Variants in STOX2 observed in about 807,000 individuals in gnomAD.
The protein encoded by STOX2 is storkhead box 2, also known as storkhead-box protein 2.
A neutral mutation model predicts 60.9 loss-of-function variants in STOX2; 28 were observed. That is an observed-to-expected ratio of 0.46 (90% CI 0.34 to 0.63). The LOEUF (loss-of-function observed/expected upper bound fraction) is 0.63. STOX2 is among the 30% of genes least tolerant of loss of function. STOX2 has a pLI of 0.01. For missense variants in STOX2, 1,024 were observed against 1,187.7 expected (o/e 0.86, Z 2.03); for synonymous variants, 472 against 463.9 (o/e 1.02, Z -0.22).
At chr4:183,902,033 G>T (rs114048511), upstream of STOX2, among the ~76,000 whole-genome samples, 2,614 of 152,190 alleles carry the variant, frequency 0.017, 83 homozygotes, top group Admixed American at 0.072. Context: ...TATATCTGAC[G>T]AGGAAGGCTT....
chr4:183,802,930 C>G (rs910434683), intron 1 of STOX2, among the ~76,000 whole-genome samples: 37 of 152,200 alleles, frequency 2.4e-4, no homozygotes, highest in Non-Finnish European at 5.0e-4. Flanking sequence ...CCGTATCAGT[C>G]CATTTTTATG....
chr4:183,830,395 GT>G (rs2111119780), intron 1 of STOX2, among the ~76,000 whole-genome samples: 1 of 152,308 alleles, frequency 6.6e-6, no homozygotes, highest in East Asian at 1.9e-4. Flanking sequence ...GTGTTATCTT[GT>G]TTTCTGAATT....
At position 183,875,896 on chromosome 4, in the gene STOX2, T is replaced by G. The variant is rs553768453; in HGVS notation, c.364+77841T>G. Among the ~76,000 whole-genome samples the G allele has an allele frequency of 2.0e-5, 3 of 152,154 alleles. No individual in the cohort carries two copies. The East Asian group carries it at 5.8e-4, about 29-fold the overall frequency. On this transcript the variant is annotated intron_variant, in intron 1 of 2. Coordinates refer to the STOX2 transcript ENST00000513034. ...CCACGCTGGGCTAATTTTTTAAAAATTTATTTGTAAAGATGGGGTCTTACT... is the reference window on the plus strand; with the variant it reads ...CCACGCTGGGCTAATTTTTTAAAAAGTTATTTGTAAAGATGGGGTCTTACT...
intron 1 of STOX2, among the ~76,000 whole-genome samples, chr4:183,920,908 T>A: frequency 6.6e-6 from 1 of 152,186 alleles, no homozygotes; most frequent in East Asian, 1.9e-4. Flanking sequence ...AGTGCAAAGG[T>A]ACCTGACAAC....
chr4:183,906,839 G>C lies in STOX2; in HGVS notation c.49G>C (p.Asp17His), dbSNP rs1017136594. ...CTTGCGGCGAGCCTGGCCTAGCTCG[G>C]ATTTCTCGGACCGGGCCTCGGACCG... The part of the protein sequence containing the change: ...TTLRRAWPSS[D>H]FSDRASDRMR... Residue 17 changes from aspartate to histidine, a missense_variant, in exon 1 of 4, where the codon GAT becomes CAT. This residue lies in a region of STOX2 where 98 missense variants were observed against 110.2 expected (regional missense o/e 0.89). Transcript: ENST00000308497. The C allele has an allele frequency of 1.9e-6, 3 of 1,555,966 alleles. No individual in the cohort carries two copies. The highest frequency in any genetic ancestry group is 2.6e-6 in the Non-Finnish European group (3 of 1,149,762).
chr4:183,960,267 A>G lies in STOX2; in HGVS notation c.167-41058A>G, dbSNP rs1743374492. On this transcript the variant is annotated intron_variant, in intron 1 of 3. Coordinates refer to ENST00000308497, the MANE Select transcript of STOX2 (RefSeq NM_020225.3). The stretch of plus-strand genomic sequence containing the variant: ...TGGGTAAGACCTAGAGTGAATGCTC[A>G]GCTTGTCTCAAGGCTGCAATGAGGT... 2.6e-5 allele frequency: 4 copies of G among 152,358 alleles called. No homozygotes were observed. In the Middle Eastern group the frequency reaches 0.01, roughly 389 times the overall value. The allele number at this position is 152,358 out of a possible 1,614,324, so 9.4% of individuals were successfully genotyped here. A position where few individuals can be genotyped will look rare whatever the true frequency, so the allele number is the denominator to read the frequency against.
intron 1 of STOX2, among the ~76,000 whole-genome samples, chr4:183,945,763 G>T (rs752128157): frequency 6.6e-6 from 1 of 152,174 alleles, no homozygotes. Flanking sequence ...GTTCTAAGAC[G>T]CTGGGAAATG....
intron 1 of STOX2, among the ~76,000 whole-genome samples, chr4:183,864,865 T>C (rs1347698916): frequency 1.3e-5 from 2 of 152,202 alleles, no homozygotes; most frequent in Admixed American, 6.5e-5. Flanking sequence ...GCAAAACTAA[T>C]TGTTTTATAA....
chr4:183,914,546 C>A (rs942456563), intron 1 of STOX2, among the ~76,000 whole-genome samples: 2 of 152,160 alleles, frequency 1.3e-5, no homozygotes, highest in African/African-American at 4.8e-5. Context: ...AGAATGAGTT[C>A]CATTTTGGGC....
chr4:183,922,490 C>T (rs764544082), intron 1 of STOX2, among the ~76,000 whole-genome samples: 11 of 151,870 alleles, frequency 7.2e-5, no homozygotes, highest in South Asian at 4.2e-4. Flanking sequence ...GGATTACAGG[C>T]GCCCCCCACC....
intron 1 of STOX2, among the ~76,000 whole-genome samples, chr4:183,853,031 A>G (rs896543672): frequency 6.6e-6 from 1 of 152,210 alleles, no homozygotes; most frequent in Non-Finnish European, 1.5e-5. Flanking sequence ...GAATAATCGC[A>G]CGCAGGAACT....
At chr4:183,943,832 G>A (rs1742814800) in intron 1 of STOX2, among the ~76,000 whole-genome samples, 1 of 152,152 alleles carries the variant, frequency 6.6e-6, no homozygotes, top group African/African-American at 2.4e-5. Context: ...GGCTGAGATC[G>A]TGCCACTGCC....
Position 184,010,091 on chromosome 4 carries a change from G to A in STOX2, c.1253G>A (p.Gly418Glu). 6.2e-7 allele frequency: 1 copy of A among 1,606,374 alleles called. No individual in the cohort carries two copies. The highest frequency in any genetic ancestry group is 2.2e-5 in the East Asian group (1 of 44,694). ...REGCFIIEHK[G>E]DNFIMHSNTN... Reference sequence around the variant, plus strand: ...GGCTGCTTCATCATTGAACACAAAGGAGATAACTTCATCATGCACAGCAAC... The same window carrying A: ...GGCTGCTTCATCATTGAACACAAAGAAGATAACTTCATCATGCACAGCAAC... Residue 418 changes from glycine to glutamate, a missense_variant, in exon 3 of 4, where the codon GGA becomes GAA. This residue lies in a region of STOX2 where 922 missense variants were observed against 1,058.3 expected (regional missense o/e 0.87). Transcript: ENST00000308497. This position sits in a 1 kb window ranked among gnomAD's most constrained non-coding sequence, Gnocchi z 4.5.
At chr4:184,005,853 CA>C (rs1390214903) in intron 2 of STOX2, among the ~76,000 whole-genome samples, 2 of 152,098 alleles carry the variant, frequency 1.3e-5, no homozygotes, top group East Asian at 1.9e-4. Context: ...ATGGCTTGGA[CA>C]GGGGGCAAAG....
At chr4:183,907,078 C>A (rs1741640594) in intron 1 of STOX2, 122 bp downstream of exon 1, 2 of 873,280 alleles carry the variant, frequency 2.3e-6, no homozygotes, top group Non-Finnish European at 3.4e-6. Flanking sequence ...ATGGGGAAAG[C>A]AGGAAAAAAT....
At chr4:183,976,025 A>C (rs1484198893) in intron 1 of STOX2, among the ~76,000 whole-genome samples, 1 of 152,220 alleles carries the variant, frequency 6.6e-6, no homozygotes, top group Non-Finnish European at 1.5e-5. Flanking sequence ...AAATCAGTCA[A>C]TGTAGGGCTG....
rs548829020 is a variant in STOX2 at position 184,010,268 on chromosome 4, G to C, written c.1430G>C (p.Arg477Pro). 2.0e-5 allele frequency: 31 copies of C among 1,577,750 alleles called. No homozygotes were observed. The East Asian group carries it at 5.6e-4, about 29-fold the overall frequency. Reference protein sequence around the residue: ...VHRSHSHTQDRRSRNERSNKA... With the variant: ...VHRSHSHTQDPRSRNERSNKA... The stretch of plus-strand genomic sequence containing the variant: ...CGAAGCCACAGCCATACACAGGACC[G>C]GAGGTCCAGGAATGAGAGATCCAAC... The change falls in exon 3 of 4, where the codon CGG becomes CCG. Residue 477 changes from arginine to proline, a missense_variant. Around this residue, in one of 3 missense-constraint regions of STOX2, gnomAD observed 922 missense variants for 1,058.3 expected, o/e 0.87. Transcript: ENST00000308497. This position sits in a 1 kb window ranked among gnomAD's most constrained non-coding sequence, Gnocchi z 4.5.
intron 1 of STOX2, among the ~76,000 whole-genome samples, chr4:183,946,271 G>A (rs550777023): frequency 4.6e-5 from 7 of 152,300 alleles, no homozygotes; most frequent in African/African-American, 1.2e-4. Context: ...CAAATTACAT[G>A]CCTTTTCTTA....
At position 184,004,366 on chromosome 4, in the gene STOX2, G is replaced by A. The variant is rs557659896; in HGVS notation, c.319+2889G>A. 5.3e-5 allele frequency among the ~76,000 whole-genome samples: 8 copies of A among 152,264 alleles called. No homozygotes were observed. In the South Asian group the frequency reaches 8.3e-4, roughly 16 times the overall value. On this transcript the variant is annotated intron_variant, in intron 2 of 3. Transcript: ENST00000308497. Reference sequence around the variant, plus strand: ...TGTAATCCCAGCACTTTGGGAGGCCGAGGCGGGCGGATCACGACGTCAAGA... The same window carrying A: ...TGTAATCCCAGCACTTTGGGAGGCCAAGGCGGGCGGATCACGACGTCAAGA...
Sources: gnomAD v4.1 joint callset for allele counts (sites outside exome capture counted in the v4.1 genomes callset) on GRCh38, gnomAD v4.1.1 for gene constraint, gnomAD v4.1.1 regional missense constraint, Gnocchi (gnomAD v3.1) non-coding constraint, MANE v1.5 for transcripts, NCBI Gene and HGNC (gene_info 2026-07-23, HGNC 2026-07-21) for gene names.